The following CCDC91 variants were observed in gnomAD, a reference collection of about 807,000 sequenced individuals.
CCDC91 encodes the protein coiled-coil domain containing 91.
A neutral mutation model predicts 63.2 loss-of-function variants in CCDC91; 48 were observed. The observed-to-expected ratio is 0.76, with a 90% confidence interval of 0.60 to 0.97. CCDC91 has a LOEUF of 0.97. Among genes scored for constraint, CCDC91 ranks in the 50% least tolerant of loss-of-function variants. The pLI, the probability that CCDC91 is intolerant of heterozygous loss-of-function variation, is 0.00. For synonymous variants in CCDC91, 167 were observed against 165.8 expected (o/e 1.01, Z -0.06); for missense variants, 500 against 494.6 (o/e 1.01, Z -0.10).
chr12:28,470,535 C>T (rs1271572265), intron 11 of CCDC91, among the ~76,000 whole-genome samples: 3 of 151,950 alleles, frequency 2.0e-5, no homozygotes, highest in Non-Finnish European at 2.9e-5. Flanking sequence ...GGAGGTTCCT[C>T]AAAAATCAAA....
chr12:28,368,919 C>G (rs1441580152), intron 7 of CCDC91, among the ~76,000 whole-genome samples: 2 of 152,002 alleles, frequency 1.3e-5, no homozygotes, highest in Non-Finnish European at 2.9e-5. Flanking sequence ...ATAAGAACAG[C>G]ATGCTGGAAA....
At chr12:28,510,126 C>T (rs551779676) in intron 12 of CCDC91, among the ~76,000 whole-genome samples, 130 of 151,824 alleles carry the variant, frequency 8.6e-4, no homozygotes, top group Non-Finnish European at 8.0e-4. Flanking sequence ...AAAAGAGTTT[C>T]CCTGAAAGTC....
intron 12 of CCDC91, among the ~76,000 whole-genome samples, chr12:28,497,326 T>G (rs747006809): frequency 2.0e-5 from 3 of 151,592 alleles, no homozygotes; most frequent in Non-Finnish European, 4.4e-5. Context: ...AATGAGAAAC[T>G]AGACAGCAGA....
intron 11 of CCDC91, among the ~76,000 whole-genome samples, chr12:28,466,692 T>G (rs1950566242): frequency 6.6e-6 from 1 of 152,262 alleles, no homozygotes; most frequent in South Asian, 2.1e-4. Flanking sequence ...ACACAGGACC[T>G]GTCCTCTATA....
intron 6 of CCDC91, among the ~76,000 whole-genome samples, chr12:28,325,626 A>G (rs1434475577): frequency 1.3e-5 from 2 of 151,994 alleles, no homozygotes; most frequent in Non-Finnish European, 2.9e-5. Flanking sequence ...ATTTCATTTA[A>G]AAGATGACTT....
intron 1 of CCDC91, among the ~76,000 whole-genome samples, chr12:28,207,416 C>T (rs1051516177): frequency 3.9e-5 from 6 of 152,138 alleles, no homozygotes; most frequent in African/African-American, 1.4e-4. Flanking sequence ...CTGATGTTCT[C>T]AGAAGATCCA....
intron 1 of CCDC91, among the ~76,000 whole-genome samples, chr12:28,239,136 T>A (rs552316895): frequency 4.0e-5 from 6 of 149,292 alleles, no homozygotes; most frequent in South Asian, 2.1e-4. Flanking sequence ...AAAAAAAAAA[T>A]ATATGTGGCA....
intron 12 of CCDC91, among the ~76,000 whole-genome samples, chr12:28,504,138 T>C (rs1938396357): frequency 6.6e-6 from 1 of 151,628 alleles, no homozygotes; most frequent in Non-Finnish European, 1.5e-5. Flanking sequence ...AAAAAATAAG[T>C]ATATTCAAAA....
At chr12:28,433,001 G>A (rs1484987775) in intron 8 of CCDC91, among the ~76,000 whole-genome samples, 1 of 151,828 alleles carries the variant, frequency 6.6e-6, no homozygotes, top group Non-Finnish European at 1.5e-5. Context: ...TATGCTTATT[G>A]CCATCTCTGT....
chr12:28,327,057 G>T (rs1261509093), intron 6 of CCDC91, among the ~76,000 whole-genome samples: 1 of 152,106 alleles, frequency 6.6e-6, no homozygotes, highest in Non-Finnish European at 1.5e-5. Context: ...AATGGGCAGA[G>T]AACTTCTCAA....
At chr12:28,365,898 T>G in intron 7 of CCDC91, among the ~76,000 whole-genome samples, 1 of 152,204 alleles carries the variant, frequency 6.6e-6, no homozygotes, top group Non-Finnish European at 1.5e-5. Context: ...CTCCTGGGGA[T>G]CTTACGTCTT....
At chr12:28,499,679 CTTT>C (rs1052646819) in intron 12 of CCDC91, among the ~76,000 whole-genome samples, 1 of 151,930 alleles carries the variant, frequency 6.6e-6, no homozygotes, top group African/African-American at 2.4e-5. Flanking sequence ...TGAACTCATC[CTTT>C]TTTATGGTTG....
chr12:28,355,655 T>C (rs1475438670), intron 6 of CCDC91, among the ~76,000 whole-genome samples: 2 of 152,188 alleles, frequency 1.3e-5, no homozygotes, highest in East Asian at 1.9e-4. Context: ...AATTAACATA[T>C]AGGAAAATTG....
intron 8 of CCDC91, among the ~76,000 whole-genome samples, chr12:28,426,536 G>A (rs74842853): frequency 0.011 from 1,746 of 152,056 alleles, 33 homozygotes; most frequent in African/African-American, 0.04. Flanking sequence ...TTTTGCACTA[G>A]ATTTAGGAAG....
chr12:28,511,625 A>G (rs1939387110), intron 12 of CCDC91, among the ~76,000 whole-genome samples: 2 of 151,880 alleles, frequency 1.3e-5, no homozygotes, highest in South Asian at 4.1e-4. Context: ...ATTGAATGAG[A>G]ATGGAGGTCA....
rs554278201 is a variant in CCDC91, at chr12:28,217,985, C to T, written c.-15+27344C>T. On this transcript the variant is annotated intron_variant, in intron 1 of 12. Coordinates refer to ENST00000536442, the MANE Select transcript of CCDC91 (RefSeq NM_018318.5). ...CATCTAAGGTTGTCTTCCTGTTTACCTATTATAACTGTCCCCTCCTGTTCC... is the reference window on the plus strand; with the variant it reads ...CATCTAAGGTTGTCTTCCTGTTTACTTATTATAACTGTCCCCTCCTGTTCC... Among the ~76,000 whole-genome samples the T allele has an allele frequency of 9.9e-5, 15 of 152,190 alleles. No homozygotes were observed. In the South Asian group the frequency reaches 1.7e-3, roughly 17 times the overall value.
intron 1 of CCDC91, among the ~76,000 whole-genome samples, chr12:28,197,448 C>T (rs1450283994): frequency 1.3e-5 from 2 of 152,060 alleles, no homozygotes; most frequent in Non-Finnish European, 2.9e-5. Context: ...TTGTGCCTAG[C>T]TTCATGTAAA....
At chr12:28,421,068 A>T (rs1053915214) in intron 8 of CCDC91, among the ~76,000 whole-genome samples, 4 of 152,028 alleles carry the variant, frequency 2.6e-5, no homozygotes, top group Non-Finnish European at 5.9e-5. Flanking sequence ...TTTTCTCTTC[A>T]TCTTATTGTT....
chr12:28,195,130 ATTTTACAGAGTGCTGATTGGTCCG>A (rs760937815), intron 1 of CCDC91, among the ~76,000 whole-genome samples: 2 of 86,650 alleles, frequency 2.3e-5, no homozygotes, highest in Admixed American at 9.6e-5. Context: ...TGATTGGTCC[ATTTTACAGAGTGCTGATTGGTCCG>A]TTTTACAGAG....
Sources: gnomAD v4.1 joint callset for allele counts (sites outside exome capture counted in the v4.1 genomes callset) on GRCh38, gnomAD v4.1.1 for gene constraint, MANE v1.5 for transcripts, NCBI Gene and HGNC (gene_info 2026-07-23, HGNC 2026-07-21) for gene names.